The following DYRK1A variants were observed in gnomAD, a reference collection of about 807,000 sequenced individuals.
DYRK1A encodes the protein dual specificity tyrosine-phosphorylation-regulated kinase 1A.
A neutral mutation model predicts 79.7 loss-of-function variants in DYRK1A; 9 were observed. The ratio of observed to expected loss-of-function variants is 0.11; its 90% CI spans 0.07 to 0.20. The LOEUF (loss-of-function observed/expected upper bound fraction) is 0.20, where lower values mean the gene tolerates loss of function less well. Among genes scored for constraint, DYRK1A ranks in the 10% least tolerant of loss-of-function variants. DYRK1A has a pLI of 1.00. For missense variants in DYRK1A, 622 were observed against 956.0 expected, an observed-to-expected ratio of 0.65 and a Z score of 4.61; for synonymous variants, 349 against 329.7, an observed-to-expected ratio of 1.06 and a Z score of -0.63.
intron 1 of DYRK1A, among the ~76,000 whole-genome samples, chr21:37,411,388 G>T (rs2050242839): frequency 7.4e-6 from 1 of 134,420 alleles, no homozygotes; most frequent in African/African-American, 2.9e-5. Context: ...AAAAATGACA[G>T]TTATACTACA....
intron 2 of DYRK1A, among the ~76,000 whole-genome samples, chr21:37,421,094 T>C (rs988476807): frequency 1.3e-4 from 20 of 152,156 alleles, no homozygotes; most frequent in African/African-American, 4.8e-4. Context: ...TTAATAACTT[T>C]TGAACTTAAA....
rs1431582380 is a variant in DYRK1A at position 37,367,499 on chromosome 21, C to T, written c.-206C>T. Reference sequence around the variant, plus strand: ...AGCAGGCTGCGGCGCGGCCAGGAGCCGGAGCGCCGGGGGCGGAGAGAGGCT... The same window carrying T: ...AGCAGGCTGCGGCGCGGCCAGGAGCTGGAGCGCCGGGGGCGGAGAGAGGCT... On this transcript the variant is annotated 5_prime_UTR_variant, in exon 1 of 12. Transcript: ENST00000647188. 2 of 148,862 alleles carry T rather than the reference C, an allele frequency of 1.3e-5. No individual in the cohort carries two copies. Among genetic ancestry groups the T allele is most frequent in the South Asian group, 2.1e-4 (1 of 4,830 alleles). The allele number at this position is 148,862 out of a possible 1,614,324, so 9.2% of individuals were successfully genotyped here. A position where few individuals can be genotyped will look rare whatever the true frequency, so the allele number is the denominator to read the frequency against.
chr21:37,417,529 CT>C (rs3216074), intron 1 of DYRK1A, among the ~76,000 whole-genome samples: 2,155 of 43,912 alleles, frequency 0.049, 53 homozygotes, highest in Middle Eastern at 0.092. Flanking sequence ...TTTTCTTTTT[CT>C]TTTTTTTTTT....
At chr21:37,489,917 GAAAC>G (rs1773477872) in intron 6 of DYRK1A, among the ~76,000 whole-genome samples, 1 of 152,242 alleles carries the variant, frequency 6.6e-6, no homozygotes, top group East Asian at 1.9e-4. Context: ...GACTTTTAGA[GAAAC>G]AAGGCATTTT....
intron 4 of DYRK1A, among the ~76,000 whole-genome samples, chr21:37,479,587 G>GTGTTT: frequency 1.4e-5 from 1 of 69,938 alleles, no homozygotes; most frequent in South Asian, 5.2e-4. Context: ...AACAGTGTTG[G>GTGTTT]TGTTTTGTTT....
At chr21:37,480,497 A>T (rs2052598622) in intron 4 of DYRK1A, 141 bp from the exon 5 acceptor site, 2 of 578,954 alleles carry the variant, frequency 3.5e-6, no homozygotes, top group African/African-American at 1.9e-5. Context: ...CACTGTATAA[A>T]TTTTTTCATT....
rs2053874389 is a variant in DYRK1A, at chr21:37,515,807, A to T, written c.*3276A>T. The T allele has an allele frequency of 6.6e-6, 1 of 151,970 alleles. No individual in the cohort carries two copies. The highest frequency in any genetic ancestry group is 2.4e-5 in the African/African-American group (1 of 41,370). 9.4% of individuals were successfully genotyped at this position (151,970 alleles called of 1,614,324 possible). Reference sequence around the variant, plus strand: ...TTTCTTCTTAGGGTGTGAGAATTTTACCTAGGCACATGGATATTGGGCTGA... The same window carrying T: ...TTTCTTCTTAGGGTGTGAGAATTTTTCCTAGGCACATGGATATTGGGCTGA... On this transcript the variant is annotated 3_prime_UTR_variant, in exon 12 of 12. Transcript: ENST00000647188.
At chr21:37,391,509 G>T (rs534668651) in intron 1 of DYRK1A, among the ~76,000 whole-genome samples, 2 of 152,298 alleles carry the variant, frequency 1.3e-5, no homozygotes, top group East Asian at 1.9e-4. Context: ...AGAGGTAAAT[G>T]TATGGATTAT....
At chr21:37,456,496 G>A (rs543164822) in intron 2 of DYRK1A, among the ~76,000 whole-genome samples, 95 of 152,316 alleles carry the variant, frequency 6.2e-4, no homozygotes, top group African/African-American at 2.0e-3. Flanking sequence ...TGATGAGCAG[G>A]CTGTTTGGAA....
At chr21:37,442,877 C>G (rs1053833161) in intron 2 of DYRK1A, among the ~76,000 whole-genome samples, 1 of 152,200 alleles carries the variant, frequency 6.6e-6, no homozygotes, top group South Asian at 2.1e-4. Flanking sequence ...CTCTGTCACC[C>G]AGCCTGGAGT....
intron 1 of DYRK1A, among the ~76,000 whole-genome samples, chr21:37,400,979 A>G (rs1352407373): frequency 6.6e-6 from 1 of 152,104 alleles, no homozygotes; most frequent in Non-Finnish European, 1.5e-5. Context: ...CCCTGTCTCT[A>G]CTAAAAATAC....
At position 37,506,171 on chromosome 21, in the gene DYRK1A, G is replaced by A; in HGVS notation, c.1592G>A (p.Gly531Glu). 3 of 1,614,168 alleles carry A rather than the reference G, an allele frequency of 1.9e-6. No individual in the cohort carries two copies. Among genetic ancestry groups the A allele is most frequent in the Non-Finnish European group, 2.5e-6 (3 of 1,180,038 alleles). Residue 531 changes from glycine to glutamate, a missense_variant, in exon 11 of 12, where the codon GGG becomes GAG. By Grantham distance (98) the Gly-to-Glu change is moderately conservative. Around this residue, in one of 5 missense-constraint regions of DYRK1A, gnomAD observed 292 missense variants for 316.7 expected, o/e 0.92. Transcript: ENST00000647188. ...ACGCACCAGCATCGGCACAGTGGTG[G>A]GCACTTCACAGCTGCCGTGCAGGCC... is the stretch of plus-strand genomic sequence containing the variant. ...DPTHQHRHSG[G>E]HFTAAVQAMD...
chr21:37,434,398 T>G (rs1350114476), intron 2 of DYRK1A, among the ~76,000 whole-genome samples: 5 of 152,196 alleles, frequency 3.3e-5, no homozygotes, highest in Non-Finnish European at 7.3e-5. Flanking sequence ...AAATGGGAAC[T>G]GTGTCTCCTT....
chr21:37,510,761 C>T (rs2148660162), intron 11 of DYRK1A, among the ~76,000 whole-genome samples: 1 of 152,098 alleles, frequency 6.6e-6, no homozygotes, highest in African/African-American at 2.4e-5. Flanking sequence ...CTGTGTCCAG[C>T]AGGCAGAAGG....
At chr21:37,393,744 G>T (rs1049476774) in intron 1 of DYRK1A, among the ~76,000 whole-genome samples, 1 of 152,188 alleles carries the variant, frequency 6.6e-6, no homozygotes, top group Non-Finnish European at 1.5e-5. Flanking sequence ...GTTCCAATTT[G>T]GGCAGGGCCT....
At chr21:37,445,423 T>G (rs1293734365) in intron 2 of DYRK1A, among the ~76,000 whole-genome samples, 1 of 152,168 alleles carries the variant, frequency 6.6e-6, no homozygotes, top group Non-Finnish European at 1.5e-5. Context: ...GTGCCAAGCA[T>G]TTCATGTTGG....
chr21:37,379,012 T>C (rs1002407903), intron 1 of DYRK1A, among the ~76,000 whole-genome samples: 3 of 151,918 alleles, frequency 2.0e-5, no homozygotes, highest in African/African-American at 4.8e-5. Flanking sequence ...GAAATGAAGG[T>C]GACTTTGAAG....
chr21:37,438,634 A>G (rs9974493), intron 2 of DYRK1A, among the ~76,000 whole-genome samples: 6,530 of 152,250 alleles, frequency 0.043, 188 homozygotes, highest in Middle Eastern at 0.092. Context: ...TCAGTCTTCC[A>G]TATATGTGTG....
At chr21:37,368,164 G>C (rs946027280) in intron 1 of DYRK1A, 1 of 152,476 alleles carries the variant, frequency 6.6e-6, no homozygotes, top group Non-Finnish European at 1.5e-5. Flanking sequence ...GGCCCTGGGG[G>C]TCCGCGCTGG....
Sources: gnomAD v4.1 joint callset for allele counts (sites outside exome capture counted in the v4.1 genomes callset) on GRCh38, gnomAD v4.1.1 for gene constraint, gnomAD v4.1.1 regional missense constraint, MANE v1.5 for transcripts, NCBI Gene and HGNC (gene_info 2026-07-23, HGNC 2026-07-21) for gene names.